The following SORCS1 variants were observed in gnomAD, a reference collection of about 807,000 sequenced individuals.
The protein encoded by SORCS1 is sortilin related VPS10 domain containing receptor 1.
In SORCS1, 60 loss-of-function variants were observed where a neutral mutation model predicts 146.1. The ratio of observed to expected loss-of-function variants is 0.41; its 90% CI spans 0.33 to 0.51. The LOEUF (loss-of-function observed/expected upper bound fraction) is 0.51. Among genes scored for constraint, SORCS1 ranks in the 20% least tolerant of loss-of-function variants. The pLI is 0.21. For missense variants in SORCS1, 1,352 were observed against 1,487.6 expected (o/e 0.91, Z 1.50); for synonymous variants, 637 against 584.0 (o/e 1.09, Z -1.31).
intron 3 of SORCS1, among the ~76,000 whole-genome samples, chr10:106,779,747 C>A (rs1860750860): frequency 6.6e-6 from 1 of 152,048 alleles, no homozygotes; most frequent in South Asian, 2.1e-4. Context: ...CTCAGCCTCC[C>A]AAAGTGCTGG....
At chr10:106,578,533 C>T (rs1272302493) in intron 25 of SORCS1, 5 of 405,264 alleles carry the variant, frequency 1.2e-5, no homozygotes, top group Non-Finnish European at 1.7e-5. Flanking sequence ...GGTTCCAAAT[C>T]TCCTGAGGGA....
intron 1 of SORCS1, among the ~76,000 whole-genome samples, chr10:107,019,891 G>C (rs1311513182): frequency 6.6e-6 from 1 of 152,248 alleles, no homozygotes; most frequent in African/African-American, 2.4e-5. Flanking sequence ...GTAAATGCCA[G>C]AGCAAGAGCT....
chr10:107,000,533 G>T (rs1178495252), intron 1 of SORCS1, among the ~76,000 whole-genome samples: 2 of 151,978 alleles, frequency 1.3e-5, no homozygotes, highest in Admixed American at 6.6e-5. Context: ...CTTGAACCTG[G>T]GAGGTGGAGG....
chr10:106,673,307 A>G lies in SORCS1; in HGVS notation c.1941-322T>C, dbSNP rs193050290. The stretch of plus-strand genomic sequence containing the variant: ...CCACCACACCAAGCTAATTTTTTCT[A>G]TTTTTAGTAGAGATGGGGTTCCACC... On this transcript the variant is annotated intron_variant, in intron 14 of 25. Coordinates refer to ENST00000263054, the MANE Select transcript of SORCS1 (RefSeq NM_052918.5). Among the ~76,000 whole-genome samples, 443 of 151,702 alleles carry G rather than the reference A, an allele frequency of 2.9e-3. 2 individuals carry two copies. Among genetic ancestry groups the G allele is most frequent in the African/African-American group, 0.01 (416 of 41,366 alleles).
chr10:106,719,219 C>A (rs954940178), intron 6 of SORCS1, among the ~76,000 whole-genome samples: 1 of 152,030 alleles, frequency 6.6e-6, no homozygotes. Flanking sequence ...GAAATGAAAC[C>A]ATTTAGCTCA....
chr10:106,941,576 C>A (rs914306868), intron 2 of SORCS1, among the ~76,000 whole-genome samples: 1 of 152,182 alleles, frequency 6.6e-6, no homozygotes, highest in South Asian at 2.1e-4. Context: ...ACACACAATA[C>A]CCTTCCTTTA....
chr10:106,712,124 G>A (rs1430096963), intron 6 of SORCS1, among the ~76,000 whole-genome samples: 4 of 152,182 alleles, frequency 2.6e-5, no homozygotes, highest in African/African-American at 9.7e-5. Flanking sequence ...TATTGCTAAG[G>A]AAGAAGACTT....
chr10:106,671,480 G>T, intron 15 of SORCS1, 113 bp from the exon 16 acceptor site: 1 of 1,448,074 alleles, frequency 6.9e-7, no homozygotes, highest in Non-Finnish European at 9.4e-7. Context: ...GTAAACTTTG[G>T]TAGCCCTCTT....
chr10:106,745,637 T>C (rs962840082), intron 5 of SORCS1, among the ~76,000 whole-genome samples: 1 of 152,186 alleles, frequency 6.6e-6, no homozygotes, highest in Non-Finnish European at 1.5e-5. Flanking sequence ...TTGATACTTA[T>C]CCTGCCAGGA....
At chr10:106,884,146 G>A (rs959427581) in intron 2 of SORCS1, among the ~76,000 whole-genome samples, 4 of 151,648 alleles carry the variant, frequency 2.6e-5, no homozygotes, top group Admixed American at 2.0e-4. Flanking sequence ...TTCTCTCATT[G>A]TAACTATATT....
chr10:106,642,592 G>A (rs1037713387), intron 18 of SORCS1, among the ~76,000 whole-genome samples: 15 of 152,250 alleles, frequency 9.9e-5, no homozygotes, highest in African/African-American at 3.6e-4. Flanking sequence ...ACATGCCAGG[G>A]ATTTTTTGTC....
At chr10:106,933,313 G>C (rs978762483) in intron 2 of SORCS1, among the ~76,000 whole-genome samples, 1 of 152,166 alleles carries the variant, frequency 6.6e-6, no homozygotes. Flanking sequence ...CTCAGTCCTA[G>C]AGATTCTGAT....
chr10:106,647,913 G>C (rs936689465), intron 18 of SORCS1, among the ~76,000 whole-genome samples: 3 of 152,126 alleles, frequency 2.0e-5, no homozygotes, highest in Admixed American at 6.5e-5. Flanking sequence ...TGTCAGCCAG[G>C]CTGGAGTGCT....
In SORCS1 at chr10:106,612,042, A is replaced by G. The variant is rs751744184; in HGVS notation, c.2921-19T>C. ...AATTCCTCTGGGGATATAACAGTAG[A>G]TGGAGTACTATAAGTCAAATAGTCC... On this transcript the variant is annotated intron_variant, in intron 21 of 25. Transcript: ENST00000263054. 2.0e-5 allele frequency: 32 copies of G among 1,568,250 alleles called. 1 individual carries two copies. The highest frequency in any genetic ancestry group is 3.3e-4 in the Middle Eastern group (2 of 6,004).
At chr10:106,838,118 G>A (rs762055780) in intron 2 of SORCS1, among the ~76,000 whole-genome samples, 2 of 152,076 alleles carry the variant, frequency 1.3e-5, no homozygotes, top group Non-Finnish European at 2.9e-5. Flanking sequence ...GTTACCCAGT[G>A]GACTTCCATG....
chr10:106,887,525 G>A (rs564023832), intron 2 of SORCS1, among the ~76,000 whole-genome samples: 5 of 152,034 alleles, frequency 3.3e-5, no homozygotes, highest in African/African-American at 1.2e-4. Flanking sequence ...TGCAGTGAGC[G>A]GAGATCACGC....
At chr10:106,633,994 C>T (rs11192983) in intron 18 of SORCS1, among the ~76,000 whole-genome samples, 2,246 of 152,232 alleles carry the variant, frequency 0.015, 23 homozygotes, top group Middle Eastern at 0.02. Flanking sequence ...AAGATGAACA[C>T]TATAGCACAA....
intron 1 of SORCS1, among the ~76,000 whole-genome samples, chr10:107,156,150 C>T (rs1969265674): frequency 6.6e-6 from 1 of 152,168 alleles, no homozygotes; most frequent in Admixed American, 6.5e-5. Context: ...AGCTCCCCTA[C>T]CACCCCATCT....
chr10:107,027,397 G>A (rs950039571), intron 1 of SORCS1, among the ~76,000 whole-genome samples: 2 of 151,936 alleles, frequency 1.3e-5, no homozygotes. Context: ...CCTTGACACC[G>A]ACTCTATTTA....
Sources: gnomAD v4.1 joint callset for allele counts (sites outside exome capture counted in the v4.1 genomes callset) on GRCh38, gnomAD v4.1.1 for gene constraint, MANE v1.5 for transcripts, NCBI Gene and HGNC (gene_info 2026-07-23, HGNC 2026-07-21) for gene names.